Variants in RTKN2 observed in about 807,000 individuals in gnomAD.
RTKN2 encodes rhotekin 2.
In RTKN2, 69 loss-of-function variants were observed where a neutral mutation model predicts 71.5. The observed-to-expected ratio is 0.96, with a 90% confidence interval of 0.79 to 1.18. The LOEUF (loss-of-function observed/expected upper bound fraction) is 1.18, where lower values mean the gene tolerates loss of function less well. RTKN2 is among the 50% of genes most tolerant of loss of function. RTKN2 has a pLI of 0.00. For synonymous variants in RTKN2, 236 were observed against 236.5 expected, an observed-to-expected ratio of 1.00 and a Z score of 0.02; for missense variants, 724 against 719.7, an observed-to-expected ratio of 1.01 and a Z score of -0.07.
At chr10:62,225,809 T>C (rs1842009658) in intron 6 of RTKN2, among the ~76,000 whole-genome samples, 1 of 147,880 alleles carries the variant, frequency 6.8e-6, no homozygotes, top group African/African-American at 2.5e-5. Context: ...TGAGACGGAG[T>C]CTCACTCTGT....
chr10:62,197,569 G>C lies in RTKN2; in HGVS notation c.*339C>G. ...ATATTTAACACATTTTAAATTACTA[G>C]ACAGTCTCTCCCCAAAAGAAATTTT... is the stretch of plus-strand genomic sequence containing the variant. On this transcript the variant is annotated 3_prime_UTR_variant, in exon 12 of 12. Transcript: ENST00000373789. The C allele has an allele frequency of 9.7e-7, 1 of 1,029,642 alleles. No individual in the cohort carries two copies. The highest frequency in any genetic ancestry group is 1.2e-6 in the Non-Finnish European group (1 of 858,084). 63.8% of individuals were successfully genotyped at this position (1,029,642 alleles called of 1,614,324 possible).
chr10:62,268,539 C>T lies in RTKN2; in HGVS notation c.60+12G>A. 2 of 1,553,148 alleles carry T rather than the reference C, an allele frequency of 1.3e-6. No individual in the cohort carries two copies. Among genetic ancestry groups the T allele is most frequent in the Non-Finnish European group, 8.7e-7 (1 of 1,147,998 alleles). On this transcript the variant is annotated intron_variant, in intron 1 of 11. Transcript: ENST00000373789. ...CCTCACCTTCCGCGGCAGGGTCCCT[C>T]CCGCAACTCACCTGCTGGGTGGGAA...
chr10:62,244,720 A>T (rs1842445625), intron 3 of RTKN2, among the ~76,000 whole-genome samples: 1 of 152,222 alleles, frequency 6.6e-6, no homozygotes, highest in African/African-American at 2.4e-5. Flanking sequence ...ACAAGGATAA[A>T]ACATGTTTTG....
chr10:62,259,170 TG>T (rs1416225027), intron 2 of RTKN2: 2 of 453,172 alleles, frequency 4.4e-6, no homozygotes, highest in Admixed American at 4.7e-5. Flanking sequence ...CATGATCTCT[TG>T]CCTGCTGACA....
chr10:62,257,971 G>A (rs921819361), intron 2 of RTKN2, among the ~76,000 whole-genome samples: 2 of 152,148 alleles, frequency 1.3e-5, no homozygotes, highest in Admixed American at 1.3e-4. Flanking sequence ...GCTTGTTCAA[G>A]CATAAAGAAC....
At chr10:62,206,212 T>C (rs574353334) in intron 9 of RTKN2, among the ~76,000 whole-genome samples, 3 of 152,236 alleles carry the variant, frequency 2.0e-5, no homozygotes, top group Admixed American at 6.5e-5. Flanking sequence ...CTGTACATAG[T>C]GGTTCAAGAG....
At chr10:62,236,512 G>A (rs1432753532) in intron 5 of RTKN2, among the ~76,000 whole-genome samples, 1 of 151,952 alleles carries the variant, frequency 6.6e-6, no homozygotes, top group Non-Finnish European at 1.5e-5. Flanking sequence ...ATTATGGAAA[G>A]CAGTATAGAG....
rs1841256043 is a variant in RTKN2, at chr10:62,193,399, A to G, written c.*4509T>C. The G allele has an allele frequency of 1.0e-6, 1 of 981,264 alleles. No homozygotes were observed. Among genetic ancestry groups the G allele is most frequent in the Non-Finnish European group, 1.2e-6 (1 of 826,296 alleles). 60.8% of individuals were successfully genotyped at this position (981,264 alleles called of 1,614,324 possible). A position where few individuals can be genotyped will look rare whatever the true frequency, so the allele number is the denominator to read the frequency against. On this transcript the variant is annotated 3_prime_UTR_variant, in exon 12 of 12. Coordinates refer to ENST00000373789, the MANE Select transcript of RTKN2 (RefSeq NM_145307.4). ...AATTATTAAACGTGTCAGCATTAGTATTTTCTCCCATACTCAGATAAAGAA... is the reference window on the plus strand; with the variant it reads ...AATTATTAAACGTGTCAGCATTAGTGTTTTCTCCCATACTCAGATAAAGAA...
intron 1 of RTKN2, among the ~76,000 whole-genome samples, chr10:62,268,102 T>TC (rs1842898878): frequency 6.6e-6 from 1 of 152,118 alleles, no homozygotes; most frequent in Non-Finnish European, 1.5e-5. Flanking sequence ...CCGAACCCCC[T>TC]CCCCCCAACC....
intron 6 of RTKN2, among the ~76,000 whole-genome samples, chr10:62,229,813 C>T (rs925289371): frequency 6.6e-6 from 1 of 152,104 alleles, no homozygotes; most frequent in Non-Finnish European, 1.5e-5. Context: ...GTGACTAAGA[C>T]ATCTTTTAAC....
chr10:62,204,724 TGA>T, intron 10 of RTKN2, 131 bp downstream of exon 10: 1 of 561,192 alleles, frequency 1.8e-6, no homozygotes, highest in Non-Finnish European at 3.0e-6. Context: ...AGTGCATTGA[TGA>T]TATACTACCA....
chr10:62,262,543 G>T, intron 2 of RTKN2, 82 bp downstream of exon 2: 5 of 909,294 alleles, frequency 5.5e-6, no homozygotes, highest in South Asian at 1.9e-5. Flanking sequence ...ATTTGACATT[G>T]GTACTTAAGC....
At position 62,197,686 on chromosome 10, in the gene RTKN2, T is replaced by C; in HGVS notation, c.*222A>G. The stretch of plus-strand genomic sequence containing the variant: ...AACAATTAGGATATTGTCTAGAAAC[T>C]GCCTCTTGCACACTGCTGGAGAAAT... On this transcript the variant is annotated 3_prime_UTR_variant, in exon 12 of 12. Transcript: ENST00000373789. The C allele has an allele frequency of 7.4e-7, 1 of 1,345,140 alleles. No individual in the cohort carries two copies. The highest frequency in any genetic ancestry group is 9.5e-7 in the Non-Finnish European group (1 of 1,053,224). 83.3% of individuals were successfully genotyped at this position (1,345,140 alleles called of 1,614,324 possible). A position where few individuals can be genotyped will look rare whatever the true frequency, so the allele number is the denominator to read the frequency against.
chr10:62,237,721 A>G (rs1842287761), intron 5 of RTKN2, among the ~76,000 whole-genome samples: 2 of 151,616 alleles, frequency 1.3e-5, no homozygotes, highest in Non-Finnish European at 2.9e-5. Context: ...TTTGTACCTA[A>G]TAACTATAAA....
At chr10:62,188,775 T>A (rs994473842), downstream of RTKN2, among the ~76,000 whole-genome samples, 3 of 151,724 alleles carry the variant, frequency 2.0e-5, no homozygotes, top group Admixed American at 2.0e-4. Context: ...TGAGACTGAG[T>A]CTCCCTCTGT....
At chr10:62,263,870 T>C (rs2133107963) in intron 1 of RTKN2, among the ~76,000 whole-genome samples, 1 of 152,326 alleles carries the variant, frequency 6.6e-6, no homozygotes, top group East Asian at 1.9e-4. Context: ...TTCCATATAA[T>C]TATCTTTTAA....
At chr10:62,199,942 C>T (rs1487296262) in intron 10 of RTKN2, 81 bp from the exon 11 acceptor site, 16 of 889,960 alleles carry the variant, frequency 1.8e-5, no homozygotes, top group Non-Finnish European at 2.6e-5. Flanking sequence ...GATAGCAATA[C>T]ATTTTTGCTT....
At chr10:62,186,976 A>T (rs992883359) in intron 8 of RTKN2, among the ~76,000 whole-genome samples, 1 of 152,226 alleles carries the variant, frequency 6.6e-6, no homozygotes, top group African/African-American at 2.4e-5. Flanking sequence ...ACTGGTGTTG[A>T]TAAGACTTGT....
chr10:62,239,634 T>TA lies in RTKN2; in HGVS notation c.488+13dup. 8.8e-7 allele frequency: 1 copy of TA among 1,141,292 alleles called. No homozygotes were observed. Among genetic ancestry groups the TA allele is most frequent in the Non-Finnish European group, 1.2e-6 (1 of 802,560 alleles). 70.7% of individuals were successfully genotyped at this position (1,141,292 alleles called of 1,614,324 possible). ...TAAATTATTTTTATTCTCTGAAGATTAAAAAATACTTACAATATGGTTACA... is the reference window on the plus strand; with the variant it reads ...TAAATTATTTTTATTCTCTGAAGATTAAAAAAATACTTACAATATGGTTACA... On this transcript the variant is annotated intron_variant, in intron 5 of 11. Coordinates refer to ENST00000373789, the MANE Select transcript of RTKN2 (RefSeq NM_145307.4).
Sources: allele counts gnomAD v4.1 joint callset (sites outside exome capture counted in the v4.1 genomes callset), GRCh38; gene constraint gnomAD v4.1.1; transcripts MANE v1.5; gene names NCBI Gene and HGNC (gene_info 2026-07-23, HGNC 2026-07-21).